NUDCD3: variants seen among roughly 807,000 people sequenced by gnomAD.
The protein encoded by NUDCD3 is nudC domain-containing protein 3.
NUDCD3 carries 13 observed loss-of-function variants against 39.7 expected under a neutral mutation model. The observed-to-expected ratio is 0.33, with a 90% CI of 0.21 to 0.52. NUDCD3 has a LOEUF of 0.52. Ranked by LOEUF, NUDCD3 falls within the 20% of genes least tolerant of loss-of-function variation. The pLI is 0.96. For synonymous variants in NUDCD3, 175 were observed against 172.4 expected (o/e 1.02, Z -0.12); for missense variants, 453 against 458.1 (o/e 0.99, Z 0.10).
At chr7:44,416,478 C>T (rs556705694) in intron 3 of NUDCD3, among the ~76,000 whole-genome samples, 6 of 150,456 alleles carry the variant, frequency 4.0e-5, no homozygotes, top group African/African-American at 1.5e-4. Context: ...GGTGACACAG[C>T]GAGACTCCAA....
chr7:44,471,600 T>C (rs1016496414), intron 2 of NUDCD3, among the ~76,000 whole-genome samples: 1 of 152,216 alleles, frequency 6.6e-6, no homozygotes, highest in Non-Finnish European at 1.5e-5. Flanking sequence ...TAGAGGTTTT[T>C]TGTAAACACA....
At chr7:44,433,142 G>C (rs1309818992) in intron 2 of NUDCD3, among the ~76,000 whole-genome samples, 1 of 152,222 alleles carries the variant, frequency 6.6e-6, no homozygotes, top group African/African-American at 2.4e-5. Context: ...CCCAGACACT[G>C]AATCTTCTGG....
At chr7:44,411,894 C>T (rs1435521539) in intron 3 of NUDCD3, among the ~76,000 whole-genome samples, 1 of 152,200 alleles carries the variant, frequency 6.6e-6, no homozygotes, top group African/African-American at 2.4e-5. Context: ...CAAGTAGATG[C>T]ACAGTGGGGA....
chr7:44,415,193 GGAGTTT>G (rs1245798875), intron 3 of NUDCD3, among the ~76,000 whole-genome samples: 2 of 152,186 alleles, frequency 1.3e-5, no homozygotes, highest in Non-Finnish European at 2.9e-5. Context: ...AAAAATCTCT[GGAGTTT>G]AATTTTCAAA....
intron 2 of NUDCD3, among the ~76,000 whole-genome samples, chr7:44,477,767 C>A (rs1164272617): frequency 6.6e-6 from 1 of 151,696 alleles, no homozygotes; most frequent in Admixed American, 6.6e-5. Flanking sequence ...TACATAAACA[C>A]TGAGGCTCAA....
chr7:44,458,936 CTGTGTGTGTGTGTG>C lies in NUDCD3; in HGVS notation c.509+26018_509+26031del, dbSNP rs55947411. On this transcript the variant is annotated intron_variant, in intron 2 of 5. Transcript: ENST00000355451. ...TGGCTGCAGGATTAGACGGGGAGTGCTGTGTGTGTGTGTGTGTGTGTGTGTGTGTGTGTGTGTGT... is the reference window on the plus strand; with the variant it reads ...TGGCTGCAGGATTAGACGGGGAGTGCTGTGTGTGTGTGTGTGTGTGTGTGT... Among the ~76,000 whole-genome samples the C allele has an allele frequency of 7.3e-3, 844 of 116,140 alleles. 13 individuals are homozygous for C. The highest frequency in any genetic ancestry group is 0.02 in the African/African-American group (597 of 30,048). 76.2% of individuals were successfully genotyped at this position (116,140 alleles called of 152,430 possible). A position where few individuals can be genotyped will look rare whatever the true frequency, so the allele number is the denominator to read the frequency against.
At chr7:44,411,792 T>A (rs1469978930) in intron 3 of NUDCD3, among the ~76,000 whole-genome samples, 3 of 152,112 alleles carry the variant, frequency 2.0e-5, no homozygotes, top group Non-Finnish European at 4.4e-5. Context: ...CACCCATAGG[T>A]ATATACCCTA....
At chr7:44,429,258 T>G (rs1799303523) in intron 2 of NUDCD3, among the ~76,000 whole-genome samples, 1 of 152,184 alleles carries the variant, frequency 6.6e-6, no homozygotes, top group African/African-American at 2.4e-5. Context: ...GACCTCAGAA[T>G]GTGACCTTAA....
At chr7:44,476,559 G>A (rs1446774429) in intron 2 of NUDCD3, among the ~76,000 whole-genome samples, 1 of 152,178 alleles carries the variant, frequency 6.6e-6, no homozygotes, top group Non-Finnish European at 1.5e-5. Flanking sequence ...CTGGCACCTT[G>A]ATCTTGGACT....
At chr7:44,431,486 A>G (rs932721378) in intron 2 of NUDCD3, among the ~76,000 whole-genome samples, 1 of 152,116 alleles carries the variant, frequency 6.6e-6, no homozygotes. Flanking sequence ...GCCAGGCACC[A>G]GGGTCACCTG....
intron 3 of NUDCD3, among the ~76,000 whole-genome samples, chr7:44,415,919 G>A (rs1799012330): frequency 6.6e-6 from 1 of 152,112 alleles, no homozygotes; most frequent in African/African-American, 2.4e-5. Flanking sequence ...GGTAGACTTA[G>A]GGAATAACTG....
At chr7:44,470,560 C>A (rs890823262) in intron 2 of NUDCD3, among the ~76,000 whole-genome samples, 1 of 152,242 alleles carries the variant, frequency 6.6e-6, no homozygotes, top group Non-Finnish European at 1.5e-5. Context: ...GTCACTCCAA[C>A]TACCTCACAG....
intron 2 of NUDCD3, among the ~76,000 whole-genome samples, chr7:44,458,622 C>T (rs1799946020): frequency 6.7e-6 from 1 of 150,320 alleles, no homozygotes; most frequent in South Asian, 2.1e-4. Context: ...TGTGAAATTG[C>T]ACTCCAGCCT....
intron 3 of NUDCD3, among the ~76,000 whole-genome samples, chr7:44,411,608 A>G (rs995449030): frequency 6.6e-6 from 1 of 152,260 alleles, no homozygotes; most frequent in Non-Finnish European, 1.5e-5. Flanking sequence ...AGCTACAATT[A>G]AAAAACAAAA....
intron 5 of NUDCD3, among the ~76,000 whole-genome samples, chr7:44,389,802 G>C (rs565334735): frequency 6.6e-6 from 1 of 152,056 alleles, no homozygotes; most frequent in Non-Finnish European, 1.5e-5. Context: ...GTCAAGGAGA[G>C]GGGAGGATGT....
chr7:44,483,687 A>G (rs191203268), intron 2 of NUDCD3, among the ~76,000 whole-genome samples: 1 of 152,292 alleles, frequency 6.6e-6, no homozygotes, highest in African/African-American at 2.4e-5. Context: ...TGTCTTTACA[A>G]AACTTATTTT....
At chr7:44,405,311 AG>A (rs1266183894) in intron 3 of NUDCD3, among the ~76,000 whole-genome samples, 1 of 152,152 alleles carries the variant, frequency 6.6e-6, no homozygotes, top group Non-Finnish European at 1.5e-5. Context: ...CCACCGCCCT[AG>A]GAACACCTAT....
intron 2 of NUDCD3, among the ~76,000 whole-genome samples, chr7:44,471,141 A>G (rs1800247979): frequency 6.6e-6 from 1 of 152,246 alleles, no homozygotes; most frequent in Admixed American, 6.5e-5. Context: ...TGGTATTCAC[A>G]GAGTGCTGGT....
chr7:44,426,795 C>CA (rs777817601), intron 3 of NUDCD3, among the ~76,000 whole-genome samples: 841 of 54,304 alleles, frequency 0.015, 5 homozygotes, highest in African/African-American at 0.032. Context: ...GACTCCGTCT[C>CA]AAAAAAAAAA....
Sources: gnomAD v4.1 joint callset for allele counts (sites outside exome capture counted in the v4.1 genomes callset) on GRCh38, gnomAD v4.1.1 for gene constraint, MANE v1.5 for transcripts, NCBI Gene and HGNC (gene_info 2026-07-23, HGNC 2026-07-21) for gene names.